The following ZNF804B variants were observed in gnomAD, a reference collection of about 807,000 sequenced individuals.
The protein encoded by ZNF804B is zinc finger protein 804B.
In ZNF804B, 80 loss-of-function variants were observed where a neutral mutation model predicts 101.4. The ratio of observed to expected loss-of-function variants is 0.79; its 90% confidence interval spans 0.66 to 0.95. The LOEUF is 0.95. Among genes scored for constraint, ZNF804B ranks in the 40% least tolerant of loss-of-function variants. The pLI is 0.00. For missense variants in ZNF804B, 1,673 were observed against 1,561.9 expected (o/e 1.07, Z -1.20); for synonymous variants, 622 against 558.8 (o/e 1.11, Z -1.59).
At chr7:89,118,109 C>T (rs763273254) in intron 1 of ZNF804B, among the ~76,000 whole-genome samples, 3 of 152,114 alleles carry the variant, frequency 2.0e-5, no homozygotes, top group Admixed American at 6.6e-5. Context: ...TCTTTCACAT[C>T]CTGAAAACTA....
intron 1 of ZNF804B, among the ~76,000 whole-genome samples, chr7:88,806,707 A>G (rs557625356): frequency 3.0e-4 from 45 of 152,048 alleles, no homozygotes; most frequent in Non-Finnish European, 5.6e-4. Context: ...TTATCATAGT[A>G]GAAAGAAAGC....
At chr7:89,280,658 A>G (rs1283929942) in intron 2 of ZNF804B, among the ~76,000 whole-genome samples, 3 of 152,202 alleles carry the variant, frequency 2.0e-5, no homozygotes, top group Non-Finnish European at 2.9e-5. Context: ...AATCTAGAAG[A>G]AATGGATAAA....
intron 1 of ZNF804B, among the ~76,000 whole-genome samples, chr7:89,022,916 C>T (rs73385183): frequency 0.097 from 14,746 of 152,142 alleles, 781 homozygotes; most frequent in Non-Finnish European, 0.11. Context: ...AAATCTTACA[C>T]ATTAGGAGAA....
chr7:88,917,286 A>C (rs77910000), intron 1 of ZNF804B, among the ~76,000 whole-genome samples: 1,732 of 152,208 alleles, frequency 0.011, 33 homozygotes, highest in African/African-American at 0.04. Flanking sequence ...AAAAATAAAA[A>C]TAAAAATAAT....
intron 1 of ZNF804B, among the ~76,000 whole-genome samples, chr7:89,153,454 A>ATAC (rs1270874532): frequency 1.3e-5 from 2 of 150,064 alleles, no homozygotes; most frequent in Non-Finnish European, 3.0e-5. Flanking sequence ...AATAATAATA[A>ATAC]TAATAATAAT....
chr7:88,975,485 A>T (rs911199517), intron 1 of ZNF804B, among the ~76,000 whole-genome samples: 2 of 151,300 alleles, frequency 1.3e-5, no homozygotes, highest in Non-Finnish European at 3.0e-5. Context: ...TTTAACAAGG[A>T]TGAGAAAGTA....
chr7:89,047,858 G>T (rs1168590071), intron 1 of ZNF804B, among the ~76,000 whole-genome samples: 2 of 151,738 alleles, frequency 1.3e-5, no homozygotes, highest in Non-Finnish European at 2.9e-5. Context: ...AGGAAGGGCA[G>T]CATCAGGCGA....
chr7:89,126,072 T>G (rs376860968), intron 1 of ZNF804B, among the ~76,000 whole-genome samples: 16 of 152,038 alleles, frequency 1.1e-4, no homozygotes, highest in Admixed American at 2.6e-4. Flanking sequence ...GATTTGAGTT[T>G]CTGGCAAAAA....
intron 1 of ZNF804B, among the ~76,000 whole-genome samples, chr7:89,068,008 A>C (rs941154618): frequency 5.3e-5 from 8 of 150,790 alleles, no homozygotes; most frequent in African/African-American, 2.0e-4. Context: ...TTATGTTAAA[A>C]TATTTTTTAA....
intron 1 of ZNF804B, among the ~76,000 whole-genome samples, chr7:88,959,448 G>T (rs1793359745): frequency 6.6e-6 from 1 of 151,324 alleles, no homozygotes; most frequent in South Asian, 2.1e-4. Flanking sequence ...CATAACTGCA[G>T]TCTTACTGTC....
Position 89,146,038 on chromosome 7 carries a change from A to G in ZNF804B, c.109-72117A>G, listed in dbSNP as rs146679203. On this transcript the variant is annotated intron_variant, in intron 1 of 3. Coordinates refer to ENST00000333190, the MANE Select transcript of ZNF804B (RefSeq NM_181646.5). ...CAAATAAAGAGATCATTGAGCTTCCAAATGATGTTGAAACTCATTATCCTC... is the reference window on the plus strand; with the variant it reads ...CAAATAAAGAGATCATTGAGCTTCCGAATGATGTTGAAACTCATTATCCTC... Among the ~76,000 whole-genome samples the G allele has an allele frequency of 9.2e-5, 14 of 152,232 alleles. No individual in the cohort carries two copies. The East Asian group carries it at 2.3e-3, about 25-fold the overall frequency.
At chr7:88,810,096 G>A (rs1322485966) in intron 1 of ZNF804B, among the ~76,000 whole-genome samples, 1 of 152,074 alleles carries the variant, frequency 6.6e-6, no homozygotes, top group African/African-American at 2.4e-5. Context: ...AATGTTCCGT[G>A]ATGCTCCTCT....
At chr7:89,327,826 T>TG (rs11403962) in intron 3 of ZNF804B, among the ~76,000 whole-genome samples, 12,188 of 151,868 alleles carry the variant, frequency 0.08, 1,737 homozygotes, top group East Asian at 0.69. Flanking sequence ...TCTTAGGGGG[T>TG]GGGGAATAAG....
chr7:89,101,736 TA>T (rs1342605150), intron 1 of ZNF804B, among the ~76,000 whole-genome samples: 1 of 151,990 alleles, frequency 6.6e-6, no homozygotes, highest in Non-Finnish European at 1.5e-5. Context: ...GATTCGGGGA[TA>T]CAAGTGCTTG....
rs1562812908 is a variant in ZNF804B, at chr7:88,854,529, T to TCCTTCCCTTCCCTTCCCTTCCCTTC, written c.108+94451_108+94452insCTTCCCTTCCCTTCCCTTCCCTTCC. Among the ~76,000 whole-genome samples the TCCTTCCCTTCCCTTCCCTTCCCTTC allele has an allele frequency of 1.0e-4, 6 of 57,920 alleles. 1 individual carries two copies. The highest frequency in any genetic ancestry group is 4.4e-4 in the African/African-American group (6 of 13,696). 38.0% of individuals were successfully genotyped at this position (57,920 alleles called of 152,430 possible). A position where few individuals can be genotyped will look rare whatever the true frequency, so the allele number is the denominator to read the frequency against. Reference sequence around the variant, plus strand: ...TTCCTTTCCTTTCCTTTCCTTCCTTTCCTTCCTTCCTTCCTTCCTTCCTTC... The same window carrying TCCTTCCCTTCCCTTCCCTTCCCTTC: ...TTCCTTTCCTTTCCTTTCCTTCCTTTCCTTCCCTTCCCTTCCCTTCCCTTCCCTTCCTTCCTTCCTTCCTTCCTTC... On this transcript the variant is annotated intron_variant, in intron 1 of 3. Transcript: ENST00000333190.
intron 1 of ZNF804B, chr7:88,795,185 T>G (rs1422414502): frequency 3.0e-6 from 1 of 337,080 alleles, no homozygotes; most frequent in African/African-American, 2.1e-5. Flanking sequence ...ACTATAGACT[T>G]TTTTAAAAGT....
intron 2 of ZNF804B, among the ~76,000 whole-genome samples, chr7:89,250,864 G>A (rs1056081360): frequency 6.6e-6 from 1 of 152,110 alleles, no homozygotes. Flanking sequence ...ATAGACGTGA[G>A]AAAAAGCTTT....
intron 1 of ZNF804B, among the ~76,000 whole-genome samples, chr7:88,780,077 A>C (rs1790200035): frequency 6.6e-6 from 1 of 152,220 alleles, no homozygotes. Context: ...AAAGGTGTGC[A>C]ACATCACTGA....
At chr7:89,278,618 C>A (rs1339592877) in intron 2 of ZNF804B, among the ~76,000 whole-genome samples, 4 of 151,910 alleles carry the variant, frequency 2.6e-5, no homozygotes, top group Admixed American at 2.0e-4. Flanking sequence ...ATCCTTTCCC[C>A]ATTGCTTGTT....
Sources: allele counts gnomAD v4.1 joint callset (sites outside exome capture counted in the v4.1 genomes callset), GRCh38; gene constraint gnomAD v4.1.1; transcripts MANE v1.5; gene names NCBI Gene and HGNC (gene_info 2026-07-23, HGNC 2026-07-21).